Variants in UBXN7 observed in about 807,000 individuals in gnomAD.
The protein encoded by UBXN7 is UBX domain protein 7, also known as UBX domain-containing protein 7.
Under a neutral mutation model 58.0 loss-of-function variants are expected in UBXN7, and 9 were observed. The observed-to-expected ratio is 0.16, with a 90% CI of 0.09 to 0.27. UBXN7 has a LOEUF of 0.27. UBXN7 is among the 10% of genes least tolerant of loss of function. UBXN7 has a pLI of 1.00. For synonymous variants in UBXN7, 208 were observed against 205.0 expected (o/e 1.01, Z -0.12); for missense variants, 328 against 599.6 (o/e 0.55, Z 4.73).
chr3:196,384,944 T>C (rs1729327628), intron 5 of UBXN7, among the ~76,000 whole-genome samples: 1 of 152,218 alleles, frequency 6.6e-6, no homozygotes, highest in Non-Finnish European at 1.5e-5. Context: ...TTGGAAGTTC[T>C]GGCCAGGGCA....
rs1334628275 is a variant in UBXN7 at position 196,348,482 on chromosome 3, C to T, written c.*8203G>A. The T allele has an allele frequency of 6.6e-6, 1 of 152,180 alleles. No homozygotes were observed. The highest frequency in any genetic ancestry group is 1.5e-5 in the Non-Finnish European group (1 of 68,046). The allele number at this position is 152,180 out of a possible 1,614,324, so 9.4% of individuals were successfully genotyped here. A position where few individuals can be genotyped will look rare whatever the true frequency, so the allele number is the denominator to read the frequency against. On this transcript the variant is annotated 3_prime_UTR_variant, in exon 11 of 11. Coordinates refer to ENST00000296328, the MANE Select transcript of UBXN7 (RefSeq NM_015562.2). ...TTTAGAGTACAGATGAAATTTAGAG[C>T]CTGTCCTGCATTAAGAATGCAAATC...
chr3:196,368,337 AC>A (rs1487976149), intron 7 of UBXN7, among the ~76,000 whole-genome samples, 182 bp from the exon 8 acceptor site: 2 of 152,212 alleles, frequency 1.3e-5, no homozygotes, highest in Admixed American at 6.5e-5. Flanking sequence ...ATCTTTCTGA[AC>A]ATTCTTATTA....
intron 5 of UBXN7, among the ~76,000 whole-genome samples, chr3:196,383,713 G>A (rs938992174): frequency 6.6e-6 from 1 of 152,252 alleles, no homozygotes; most frequent in East Asian, 1.9e-4. Flanking sequence ...GGCACATAAC[G>A]AAATGAAGGC....
At chr3:196,357,404 G>A (rs1728378664) in intron 10 of UBXN7, among the ~76,000 whole-genome samples, 1 of 152,192 alleles carries the variant, frequency 6.6e-6, no homozygotes, top group African/African-American at 2.4e-5. Flanking sequence ...GGCCAGCAAT[G>A]CCTGACGCAA....
intron 5 of UBXN7, among the ~76,000 whole-genome samples, chr3:196,382,661 G>A (rs1429789575): frequency 6.6e-6 from 1 of 152,140 alleles, no homozygotes; most frequent in African/African-American, 2.4e-5. Context: ...ATGTAAATGG[G>A]CTAAATGCCC....
At chr3:196,423,451 C>T in intron 1 of UBXN7, 2 of 269,634 alleles carry the variant, frequency 7.4e-6, no homozygotes, top group African/African-American at 2.3e-5. Flanking sequence ...GGCCACTGTG[C>T]CTCTTTTCTT....
rs1395840344 is a variant in UBXN7, at chr3:196,352,259, A to G, written c.*4426T>C. ...AGGCAGGAATCATATCTTATTTATT[A>G]TTTTTTGAGACAGAGTCTCGCTCCA... On this transcript the variant is annotated 3_prime_UTR_variant, in exon 11 of 11. Transcript: ENST00000296328. This position sits in a 1 kb window ranked among gnomAD's most constrained non-coding sequence, Gnocchi z 4.1. 2.0e-5 allele frequency: 3 copies of G among 152,060 alleles called. No individual in the cohort carries two copies. Among genetic ancestry groups the G allele is most frequent in the African/African-American group, 7.2e-5 (3 of 41,402 alleles). The allele number at this position is 152,060 out of a possible 1,614,324, so 9.4% of individuals were successfully genotyped here. A position where few individuals can be genotyped will look rare whatever the true frequency, so the allele number is the denominator to read the frequency against.
intron 1 of UBXN7, among the ~76,000 whole-genome samples, chr3:196,411,129 G>A (rs1347761050): frequency 6.6e-6 from 1 of 152,108 alleles, no homozygotes; most frequent in East Asian, 1.9e-4. Flanking sequence ...TATATCCATG[G>A]ATATACTACT....
chr3:196,396,563 C>A (rs1252559693), intron 3 of UBXN7, among the ~76,000 whole-genome samples: 1 of 151,950 alleles, frequency 6.6e-6, no homozygotes, highest in Admixed American at 6.6e-5. Context: ...GAGATTGAGA[C>A]CATACTGGCT....
In UBXN7 at chr3:196,404,817, C is replaced by T. The variant is rs553025442; in HGVS notation, c.222-1798G>A. ...AATTTCGATAATCTGAAGAAACAGA[C>T]GACACATCTATAAGAGTAAGCTCTG... On this transcript the variant is annotated intron_variant, in intron 2 of 10. Transcript: ENST00000296328. Among the ~76,000 whole-genome samples the T allele has an allele frequency of 2.3e-3, 350 of 152,214 alleles. 2 individuals are homozygous for T. Among genetic ancestry groups the T allele is most frequent in the Non-Finnish European group, 4.1e-3 (280 of 68,010 alleles).
chr3:196,431,019 C>T (rs1731016031), intron 1 of UBXN7, among the ~76,000 whole-genome samples: 1 of 152,120 alleles, frequency 6.6e-6, no homozygotes, highest in South Asian at 2.1e-4. Context: ...AGCTAGATAA[C>T]AATGCGTCAA....
chr3:196,428,717 A>AC (rs1304360701), intron 1 of UBXN7, among the ~76,000 whole-genome samples: 2 of 150,232 alleles, frequency 1.3e-5, no homozygotes, highest in African/African-American at 2.5e-5. Flanking sequence ...ACAAAGTGAG[A>AC]CCCCATCTCC....
At chr3:196,427,350 C>G (rs1337430340) in intron 1 of UBXN7, among the ~76,000 whole-genome samples, 1 of 152,244 alleles carries the variant, frequency 6.6e-6, no homozygotes, top group Non-Finnish European at 1.5e-5. Context: ...CAGAGTCTCG[C>G]TCTGTCGCCC....
At chr3:196,407,071 C>T (rs1037131598) in intron 2 of UBXN7, among the ~76,000 whole-genome samples, 175 bp downstream of exon 2, 1 of 152,254 alleles carries the variant, frequency 6.6e-6, no homozygotes, top group Admixed American at 6.5e-5. Flanking sequence ...ATAAGCAAGA[C>T]AGTACTCTAA....
At chr3:196,409,992 G>A (rs1730275457) in intron 1 of UBXN7, among the ~76,000 whole-genome samples, 1 of 150,344 alleles carries the variant, frequency 6.7e-6, no homozygotes, top group Non-Finnish European at 1.5e-5. Flanking sequence ...CCAGGCTGGA[G>A]TGTAATGGTG....
In UBXN7 at chr3:196,401,316, CACACAT is replaced by C. The variant is rs769673273; in HGVS notation, c.289+1630_289+1635del. Among the ~76,000 whole-genome samples, 480 of 112,002 alleles carry C rather than the reference CACACAT, an allele frequency of 4.3e-3. 7 individuals are homozygous for C. Among genetic ancestry groups the C allele is most frequent in the African/African-American group, 0.011 (304 of 27,808 alleles). The allele number at this position is 112,002 out of a possible 152,430, so 73.5% of individuals were successfully genotyped here. The stretch of plus-strand genomic sequence containing the variant: ...ATATATATACACACACACACACACA[CACACAT>C]ATATATATATACACATATATACAAA... On this transcript the variant is annotated intron_variant, in intron 3 of 10. Transcript: ENST00000296328.
chr3:196,421,969 C>A (rs1469217987), intron 1 of UBXN7, among the ~76,000 whole-genome samples: 3 of 152,034 alleles, frequency 2.0e-5, no homozygotes, highest in African/African-American at 7.3e-5. Flanking sequence ...GAGGTTGAGG[C>A]GGGCAGATCA....
At chr3:196,421,165 G>C (rs187808044) in intron 1 of UBXN7, among the ~76,000 whole-genome samples, 5 of 152,220 alleles carry the variant, frequency 3.3e-5, no homozygotes, top group African/African-American at 1.2e-4. Flanking sequence ...CAGAGAAATC[G>C]AATTACTAAG....
intron 3 of UBXN7, among the ~76,000 whole-genome samples, chr3:196,401,629 T>C (rs1175357343): frequency 6.8e-6 from 1 of 147,272 alleles, no homozygotes; most frequent in Non-Finnish European, 1.5e-5. Context: ...AGGGCGAGGA[T>C]TGAAAAAAAT....
Sources: allele counts gnomAD v4.1 joint callset (sites outside exome capture counted in the v4.1 genomes callset), GRCh38; gene constraint gnomAD v4.1.1; non-coding constraint Gnocchi (gnomAD v3.1); transcripts MANE v1.5; gene names NCBI Gene and HGNC (gene_info 2026-07-23, HGNC 2026-07-21).